Variants in KCNIP3 observed in about 807,000 individuals in gnomAD.
The protein encoded by KCNIP3 is potassium voltage-gated channel interacting protein 3.
Under a neutral mutation model 35.0 loss-of-function variants are expected in KCNIP3, and 28 were observed. That is an observed-to-expected ratio of 0.80 (90% CI 0.59 to 1.10). The LOEUF (loss-of-function observed/expected upper bound fraction) is 1.10, where lower values mean the gene tolerates loss of function less well. Among genes scored for constraint, KCNIP3 ranks in the 50% least tolerant of loss-of-function variants. The probability of loss-of-function intolerance (pLI) is 0.00; values close to 1 mark genes in which losing one functional copy is unlikely to be tolerated. For synonymous variants in KCNIP3, 134 were observed against 133.8 expected, an observed-to-expected ratio of 1.00 and a Z score of -0.01; for missense variants, 295 against 338.4, an observed-to-expected ratio of 0.87 and a Z score of 1.01.
chr2:95,303,290 G>A (rs1284189809), intron 1 of KCNIP3: 1 of 152,192 alleles, frequency 6.6e-6, no homozygotes, highest in Non-Finnish European at 1.5e-5. Context: ...AGTGTAGGGA[G>A]CCACGAGGCA....
chr2:95,336,608 G>A (rs1486914309), intron 2 of KCNIP3, among the ~76,000 whole-genome samples: 1 of 152,066 alleles, frequency 6.6e-6, no homozygotes, highest in African/African-American at 2.4e-5. Context: ...ATTGCATGCT[G>A]GAAATTGTGA....
At chr2:95,337,854 C>T (rs1679097069) in intron 2 of KCNIP3, among the ~76,000 whole-genome samples, 1 of 152,204 alleles carries the variant, frequency 6.6e-6, no homozygotes, top group African/African-American at 2.4e-5. Context: ...CTAGACTTCT[C>T]TGATAAGCAG....
intron 2 of KCNIP3, among the ~76,000 whole-genome samples, chr2:95,371,367 T>C (rs1680038046): frequency 6.6e-6 from 1 of 152,230 alleles, no homozygotes; most frequent in South Asian, 2.1e-4. Context: ...TAGAAATGTA[T>C]TGTTTATTTC....
At chr2:95,373,349 AG>A (rs1166371526) in intron 2 of KCNIP3, among the ~76,000 whole-genome samples, 1 of 152,178 alleles carries the variant, frequency 6.6e-6, no homozygotes, top group Non-Finnish European at 1.5e-5. Context: ...TAAATAAAAA[AG>A]TAAAAATCAC....
chr2:95,334,044 G>A (rs1286859108), intron 2 of KCNIP3, among the ~76,000 whole-genome samples: 2 of 152,168 alleles, frequency 1.3e-5, no homozygotes, highest in Non-Finnish European at 2.9e-5. Flanking sequence ...TTGGGCCCTC[G>A]GCTCAAGTTC....
At chr2:95,365,804 C>T (rs1170501780) in intron 2 of KCNIP3, among the ~76,000 whole-genome samples, 1 of 152,082 alleles carries the variant, frequency 6.6e-6, no homozygotes, top group Non-Finnish European at 1.5e-5. Context: ...TCCTCTTTTA[C>T]ACCCCTATTT....
intron 5 of KCNIP3, among the ~76,000 whole-genome samples, chr2:95,379,577 C>A (rs1223410483): frequency 6.6e-6 from 1 of 152,246 alleles, no homozygotes; most frequent in East Asian, 1.9e-4. Flanking sequence ...TACTGCCCAG[C>A]TGCTTCCTAT....
chr2:95,329,540 GC>G (rs1475543703), intron 2 of KCNIP3, among the ~76,000 whole-genome samples: 2 of 152,224 alleles, frequency 1.3e-5, no homozygotes, highest in Non-Finnish European at 1.5e-5. Flanking sequence ...AGCTGGTAGG[GC>G]CCCCCTGTAT....
intron 5 of KCNIP3, among the ~76,000 whole-genome samples, chr2:95,381,002 AC>A (rs1680322755): frequency 6.6e-6 from 1 of 152,076 alleles, no homozygotes; most frequent in Admixed American, 6.5e-5. Flanking sequence ...GTCTCTAAAA[AC>A]AACAACAAAC....
At chr2:95,310,038 G>C (rs1022731917) in intron 1 of KCNIP3, among the ~76,000 whole-genome samples, 2 of 152,228 alleles carry the variant, frequency 1.3e-5, no homozygotes, top group Non-Finnish European at 2.9e-5. Flanking sequence ...GTCCAGCTCC[G>C]ACAACCTGGC....
chr2:95,339,917 C>T (rs1679151150), intron 2 of KCNIP3, among the ~76,000 whole-genome samples: 1 of 152,214 alleles, frequency 6.6e-6, no homozygotes, highest in South Asian at 2.1e-4. Flanking sequence ...CCCTTTCTAC[C>T]CTGTGGCTGT....
chr2:95,326,573 C>T (rs1678801035), intron 2 of KCNIP3, among the ~76,000 whole-genome samples: 1 of 152,250 alleles, frequency 6.6e-6, no homozygotes, highest in Non-Finnish European at 1.5e-5. Context: ...CCCCCTGCTG[C>T]ACTGCGGCTG....
At chr2:95,332,277 G>A (rs1035895374) in intron 2 of KCNIP3, among the ~76,000 whole-genome samples, 2 of 152,214 alleles carry the variant, frequency 1.3e-5, no homozygotes, top group African/African-American at 2.4e-5. Flanking sequence ...ACAGGAGAAC[G>A]TATTGATGAT....
At chr2:95,310,723 T>G in intron 2 of KCNIP3, 1 of 607,516 alleles carries the variant, frequency 1.6e-6, no homozygotes. Context: ...GAGCTCCCAG[T>G]GGGACCCACA....
At position 95,325,759 on chromosome 2, in the gene KCNIP3, A is replaced by T. The variant is rs1370923777; in HGVS notation, c.181+15239A>T. ...CACTCATACACACGCACTCATACAC[A>T]CATACACACTCATATACACACACTC... On this transcript the variant is annotated intron_variant, in intron 2 of 8. Transcript: ENST00000295225. Among the ~76,000 whole-genome samples the T allele has an allele frequency of 4.6e-5, 7 of 151,774 alleles. No homozygotes were observed. In the East Asian group the frequency reaches 1.4e-3, roughly 29 times the overall value.
intron 2 of KCNIP3, chr2:95,368,508 T>C: frequency 4.0e-6 from 1 of 251,454 alleles, no homozygotes; most frequent in Non-Finnish European, 8.2e-6. Context: ...ACACGACCTG[T>C]TCCTCAATAA....
At chr2:95,330,396 G>C (rs1248523570) in intron 2 of KCNIP3, among the ~76,000 whole-genome samples, 3 of 152,206 alleles carry the variant, frequency 2.0e-5, no homozygotes, top group Admixed American at 2.0e-4. Context: ...CCCATATGGG[G>C]TGGAGTCTAG....
At chr2:95,357,024 G>T (rs1214614664) in intron 2 of KCNIP3, among the ~76,000 whole-genome samples, 2 of 152,202 alleles carry the variant, frequency 1.3e-5, no homozygotes, top group Admixed American at 6.5e-5. Context: ...GGCGTGGGTG[G>T]CCTCTGCAGG....
chr2:95,338,196 C>G (rs1456267746), intron 2 of KCNIP3, among the ~76,000 whole-genome samples: 1 of 152,214 alleles, frequency 6.6e-6, no homozygotes, highest in Non-Finnish European at 1.5e-5. Flanking sequence ...CAAACCGCAG[C>G]TCTGCCTCTC....
Sources: allele counts gnomAD v4.1 joint callset (sites outside exome capture counted in the v4.1 genomes callset), GRCh38; gene constraint gnomAD v4.1.1; transcripts MANE v1.5; gene names NCBI Gene and HGNC (gene_info 2026-07-23, HGNC 2026-07-21).